GABRG3: variants seen among roughly 807,000 people sequenced by gnomAD.
The protein encoded by GABRG3 is gamma-aminobutyric acid type A receptor subunit gamma3, also known as gamma-aminobutyric acid receptor subunit gamma-3.
A neutral mutation model predicts 48.8 loss-of-function variants in GABRG3; 25 were observed. The observed-to-expected ratio is 0.51, with a 90% CI of 0.37 to 0.72. The LOEUF (loss-of-function observed/expected upper bound fraction) is 0.72. GABRG3 is among the 30% of genes least tolerant of loss of function. The pLI is 0.00. For missense variants in GABRG3, 394 were observed against 577.9 expected (o/e 0.68, Z 3.26); for synonymous variants, 227 against 217.6 (o/e 1.04, Z -0.38).
At chr15:27,369,449 G>A (rs556608843) in intron 5 of GABRG3, among the ~76,000 whole-genome samples, 1 of 152,326 alleles carries the variant, frequency 6.6e-6, no homozygotes, top group South Asian at 2.1e-4. Flanking sequence ...CTGAAATGAT[G>A]CAGCCATGCT....
At chr15:27,156,318 A>G (rs201180051) in intron 3 of GABRG3, among the ~76,000 whole-genome samples, 6,398 of 145,722 alleles carry the variant, frequency 0.044, 253 homozygotes, top group African/African-American at 0.097. Context: ...AAAAAAAAAA[A>G]AAAGAAAGAA....
At chr15:27,341,692 T>G (rs1894184592) in intron 5 of GABRG3, among the ~76,000 whole-genome samples, 1 of 152,124 alleles carries the variant, frequency 6.6e-6, no homozygotes, top group Admixed American at 6.5e-5. Flanking sequence ...GCTCTCGGGA[T>G]CAATATATCA....
chr15:27,080,821 C>T (rs1402116988), intron 3 of GABRG3, among the ~76,000 whole-genome samples: 2 of 152,172 alleles, frequency 1.3e-5, no homozygotes, highest in Non-Finnish European at 2.9e-5. Flanking sequence ...TTGCTTCCAA[C>T]AAGAGGAGCT....
intron 3 of GABRG3, among the ~76,000 whole-genome samples, chr15:27,247,929 A>G (rs966820442): frequency 6.6e-6 from 1 of 152,196 alleles, no homozygotes; most frequent in Non-Finnish European, 1.5e-5. Context: ...GGGAGCCACA[A>G]TTGAAGATGA....
intron 7 of GABRG3, among the ~76,000 whole-genome samples, chr15:27,522,288 C>T (rs7168461): frequency 0.63 from 94,866 of 151,576 alleles, 30,846 homozygotes; most frequent in African/African-American, 0.81. Flanking sequence ...TTTAGATAAA[C>T]AAAATCTGTG....
chr15:27,068,936 A>G (rs1286797457), intron 3 of GABRG3, among the ~76,000 whole-genome samples: 1 of 152,308 alleles, frequency 6.6e-6, no homozygotes, highest in East Asian at 1.9e-4. Context: ...ACCACATGCC[A>G]CTGTTTCCCA....
chr15:27,431,183 A>AT (rs1434000316), intron 5 of GABRG3, among the ~76,000 whole-genome samples: 1 of 151,616 alleles, frequency 6.6e-6, no homozygotes, highest in African/African-American at 2.4e-5. Context: ...CTCCAATGTT[A>AT]TTTTTCTTTT....
chr15:27,158,823 T>C (rs1484827397), intron 3 of GABRG3, among the ~76,000 whole-genome samples: 1 of 152,220 alleles, frequency 6.6e-6, no homozygotes, highest in Non-Finnish European at 1.5e-5. Context: ...ATCTTACAGC[T>C]GAAATTTTTC....
chr15:27,473,303 T>C (rs977577486), intron 5 of GABRG3, among the ~76,000 whole-genome samples: 1 of 152,138 alleles, frequency 6.6e-6, no homozygotes, highest in African/African-American at 2.4e-5. Flanking sequence ...AGGACCCAAA[T>C]TGATTTGCAA....
intron 5 of GABRG3, among the ~76,000 whole-genome samples, chr15:27,334,484 C>G (rs1050936967): frequency 5.3e-5 from 8 of 152,172 alleles, no homozygotes; most frequent in Non-Finnish European, 8.8e-5. Flanking sequence ...TTTAATTAAA[C>G]TTTCAACAGT....
chr15:27,340,979 T>G, intron 5 of GABRG3: 1 of 511,648 alleles, frequency 2.0e-6, no homozygotes, highest in Non-Finnish European at 3.9e-6. Flanking sequence ...TGGGGTGTGT[T>G]TTGGAGGGAA....
intron 3 of GABRG3, among the ~76,000 whole-genome samples, chr15:27,165,944 G>A (rs1887357723): frequency 6.6e-6 from 1 of 152,130 alleles, no homozygotes. Flanking sequence ...AGTGAGAGAT[G>A]TAAGAAGACA....
intron 3 of GABRG3, among the ~76,000 whole-genome samples, chr15:27,129,280 A>C (rs1897874628): frequency 1.3e-5 from 2 of 152,160 alleles, no homozygotes; most frequent in African/African-American, 4.8e-5. Context: ...TGATTACTCA[A>C]GGTACTTTAT....
At chr15:27,145,603 C>CTCTATCTATCTATCTATCTATCTA (rs140259026) in intron 3 of GABRG3, among the ~76,000 whole-genome samples, 2 of 102,388 alleles carry the variant, frequency 2.0e-5, no homozygotes, top group South Asian at 3.2e-4. Context: ...ATATATCTAT[C>CTCTATCTATCTATCTATCTATCTA]TCTATCTATC....
intron 3 of GABRG3, among the ~76,000 whole-genome samples, chr15:27,182,993 C>T (rs370762848): frequency 8.7e-4 from 132 of 152,278 alleles, no homozygotes; most frequent in African/African-American, 3.1e-3. Flanking sequence ...TCTGCTTTTA[C>T]GAATCATTTT....
intron 5 of GABRG3, among the ~76,000 whole-genome samples, chr15:27,376,288 A>G (rs1186894163): frequency 6.6e-6 from 1 of 152,140 alleles, no homozygotes; most frequent in African/African-American, 2.4e-5. Context: ...ACAGGCTGGC[A>G]TTGAGTGTCT....
intron 3 of GABRG3, among the ~76,000 whole-genome samples, chr15:27,034,970 A>G (rs1896150808): frequency 6.6e-6 from 1 of 152,192 alleles, no homozygotes; most frequent in Non-Finnish European, 1.5e-5. Context: ...TTGAGGATGT[A>G]ATCCTGACAT....
intron 3 of GABRG3, among the ~76,000 whole-genome samples, chr15:27,142,759 ATTTG>A (rs201522162): frequency 0.023 from 3,483 of 150,140 alleles, 152 homozygotes; most frequent in African/African-American, 0.081. Context: ...GTTACTGAGG[ATTTG>A]TTTGTTTGTT....
intron 5 of GABRG3, among the ~76,000 whole-genome samples, chr15:27,342,438 G>A (rs923929737): frequency 3.3e-5 from 5 of 152,100 alleles, no homozygotes; most frequent in East Asian, 1.9e-4. Context: ...CCTCCACAGC[G>A]TTCTGTATCA....
Sources: gnomAD v4.1 joint callset for allele counts (sites outside exome capture counted in the v4.1 genomes callset) on GRCh38, gnomAD v4.1.1 for gene constraint, MANE v1.5 for transcripts, NCBI Gene and HGNC (gene_info 2026-07-23, HGNC 2026-07-21) for gene names.